The following EIF4G2 variants were observed in gnomAD, a reference collection of about 807,000 sequenced individuals.
EIF4G2 encodes DAP-5.
A neutral mutation model predicts 117.7 loss-of-function variants in EIF4G2; 8 were observed. The ratio of observed to expected loss-of-function variants is 0.07; its 90% CI spans 0.04 to 0.12. EIF4G2 has a LOEUF of 0.12. Ranked by LOEUF, EIF4G2 falls within the 10% of genes least tolerant of loss-of-function variation. EIF4G2 has a pLI of 1.00. For missense variants in EIF4G2, 812 were observed against 1,086.2 expected, an observed-to-expected ratio of 0.75 and a Z score of 3.55; for synonymous variants, 413 against 367.8, an observed-to-expected ratio of 1.12 and a Z score of -1.41.
At chr11:10,807,515 T>C (rs1423192907) in intron 1 of EIF4G2, 134 bp from the exon 2 acceptor site, 11 of 1,316,378 alleles carry the variant, frequency 8.4e-6, no homozygotes, top group Non-Finnish European at 9.7e-6. Context: ...TAAAATGTAC[T>C]CAAAACACTG....
At chr11:10,801,600 A>T in intron 14 of EIF4G2, 61 bp downstream of exon 14, 1 of 1,443,514 alleles carries the variant, frequency 6.9e-7, no homozygotes. Flanking sequence ...TTTTATAATC[A>T]TCGGGCAATA....
At chr11:10,807,527 C>G (rs1802557708) in intron 1 of EIF4G2, 146 bp from the exon 2 acceptor site, 1 of 1,299,904 alleles carries the variant, frequency 7.7e-7, no homozygotes, top group Non-Finnish European at 9.7e-7. Flanking sequence ...AAAACACTGA[C>G]AATTACATTT....
intron 4 of EIF4G2, among the ~76,000 whole-genome samples, chr11:10,805,668 G>T (rs1847547014): frequency 6.6e-6 from 1 of 152,018 alleles, no homozygotes; most frequent in Non-Finnish European, 1.5e-5. Flanking sequence ...GGCCAGGCTG[G>T]TCTCAAACTC....
chr11:10,808,373 G>A (rs1447920491), intron 1 of EIF4G2: 2 of 1,220,386 alleles, frequency 1.6e-6, no homozygotes, highest in Non-Finnish European at 2.1e-6. Context: ...CTCCCGCCAC[G>A]GCGCTAGCGG....
At chr11:10,805,840 A>T in intron 4 of EIF4G2, 67 bp downstream of exon 4, 2 of 1,607,722 alleles carry the variant, frequency 1.2e-6, no homozygotes, top group Non-Finnish European at 1.7e-6. Context: ...TTAGTAATAC[A>T]GCACACACAC....
At chr11:10,800,034 G>GA in intron 18 of EIF4G2, 56 bp downstream of exon 18, 1 of 1,567,042 alleles carries the variant, frequency 6.4e-7, no homozygotes, top group African/African-American at 1.4e-5. Context: ...CAAGGTACCT[G>GA]AAATCTCTAG....
intron 21 of EIF4G2, 162 bp downstream of exon 21, chr11:10,798,830 A>T: frequency 1.2e-6 from 1 of 868,678 alleles, no homozygotes; most frequent in Non-Finnish European, 1.8e-6. Context: ...GTGTAGCTTT[A>T]CTTAATAATA....
In EIF4G2 at chr11:10,798,973, T is replaced by A. The variant is rs1231420144; in HGVS notation, c.2658+19A>T. ...AGCAAACTGAAGTAAGCAGACCAAA[T>A]TTTTAACAAAAGACTTACCTGGAAC... On this transcript the variant is annotated intron_variant, in intron 21 of 21. Transcript: ENST00000339995. The A allele has an allele frequency of 1.9e-6, 3 of 1,584,864 alleles. No individual in the cohort carries two copies. The highest frequency in any genetic ancestry group is 2.6e-6 in the Non-Finnish European group (3 of 1,171,500).
chr11:10,804,720 TA>T lies in EIF4G2; in HGVS notation c.351+192del, dbSNP rs1847511425. On this transcript the variant is annotated intron_variant, in intron 5 of 21. Transcript: ENST00000339995. ...TACCTCTTCAACCATACCATGAACTTAACATTTACCTCTTCAATCTAATGCT... is the reference window on the plus strand; with the variant it reads ...TACCTCTTCAACCATACCATGAACTTACATTTACCTCTTCAATCTAATGCT... 12 of 607,704 alleles carry T rather than the reference TA, an allele frequency of 2.0e-5. No individual in the cohort carries two copies. In the South Asian group the frequency reaches 2.5e-4, roughly 13 times the overall value. 37.6% of individuals were successfully genotyped at this position (607,704 alleles called of 1,614,324 possible).
chr11:10,801,886 CA>C, intron 13 of EIF4G2, 112 bp from the exon 14 acceptor site: 2 of 1,196,384 alleles, frequency 1.7e-6, no homozygotes, highest in South Asian at 2.8e-5. Flanking sequence ...TGAATTTGCC[CA>C]GAGAAAGTAA....
In EIF4G2 at chr11:10,800,452, T is replaced by C. The variant is rs768025668; in HGVS notation, c.1840A>G (p.Thr614Ala). Reference sequence around the variant, plus strand: ...CCTACCTGCATGAAGTTGTCACTTGTGGCTATCCCTTCCTGTTTGAGTAAA... The same window carrying C: ...CCTACCTGCATGAAGTTGTCACTTGCGGCTATCCCTTCCTGTTTGAGTAAA... Residue 614 changes from threonine (T) to alanine (A), a missense_variant, in exon 17 of 22, where the codon ACA becomes GCA. Physicochemically the swap from Thr to Ala is moderately conservative, Grantham distance 58 (BLOSUM62 0). This residue lies in a region of EIF4G2 where 571 missense variants were observed against 642.3 expected (regional missense o/e 0.89). Coordinates refer to ENST00000339995, the MANE Select transcript of EIF4G2 (RefSeq NM_001418.4). 4.3e-6 allele frequency: 7 copies of C among 1,614,218 alleles called. No individual in the cohort carries two copies. Among genetic ancestry groups the C allele is most frequent in the Non-Finnish European group, 5.9e-6 (7 of 1,180,020 alleles).
chr11:10,799,540 C>T lies in EIF4G2; in HGVS notation c.2324+12G>A, dbSNP rs778456381. Reference sequence around the variant, plus strand: ...TGAAACATTACCATATGCAGAAAACCATTCGTCTTACCTAGTCATTAAGAT... The same window carrying T: ...TGAAACATTACCATATGCAGAAAACTATTCGTCTTACCTAGTCATTAAGAT... On this transcript the variant is annotated intron_variant, in intron 19 of 21. Coordinates refer to ENST00000339995, the MANE Select transcript of EIF4G2 (RefSeq NM_001418.4). The T allele has an allele frequency of 1.2e-6, 2 of 1,612,032 alleles. No individual in the cohort carries two copies. The highest frequency in any genetic ancestry group is 1.3e-5 in the African/African-American group (1 of 74,760).
At chr11:10,806,182 G>C in intron 3 of EIF4G2, 135 bp from the exon 4 acceptor site, 2 of 1,214,968 alleles carry the variant, frequency 1.6e-6, no homozygotes, top group Non-Finnish European at 2.3e-6. Flanking sequence ...GGAAATTAGT[G>C]CTTCTGGAAC....
At position 10,804,049 on chromosome 11, in the gene EIF4G2, G is replaced by C; in HGVS notation, c.552C>G (p.Val184=). The C allele has an allele frequency of 6.2e-7, 1 of 1,613,494 alleles. No homozygotes were observed. The highest frequency in any genetic ancestry group is 8.5e-7 in the Non-Finnish European group (1 of 1,179,674). ...GGAGGGGATTTTCACGCTTATCATAGACTGAAAAAGATACCAATGAAGTAA... is the reference window on the plus strand; with the variant it reads ...GGAGGGGATTTTCACGCTTATCATACACTGAAAAAGATACCAATGAAGTAA... Residue 184 remains valine (V), a splice_region_variant and synonymous_variant, in exon 8 of 22, where the codon GTC becomes GTG. Coordinates refer to ENST00000339995, the MANE Select transcript of EIF4G2 (RefSeq NM_001418.4).
In EIF4G2 at chr11:10,801,788, GGA is replaced by G; in HGVS notation, c.1300-16_1300-15del. The G allele has an allele frequency of 6.2e-7, 1 of 1,609,756 alleles. No individual in the cohort carries two copies. The highest frequency in any genetic ancestry group is 8.5e-7 in the Non-Finnish European group (1 of 1,178,060). ...CTGGCTTAGCCCCTATTTCAGAAAAGGAGAAAGAAAGTCTAGATAAAAAGGGG... is the reference window on the plus strand; with the variant it reads ...CTGGCTTAGCCCCTATTTCAGAAAAGGAAAGAAAGTCTAGATAAAAAGGGG... On this transcript the variant is annotated splice_polypyrimidine_tract_variant and intron_variant, in intron 13 of 21. Transcript: ENST00000339995.
chr11:10,807,705 A>G (rs1408400947), intron 1 of EIF4G2: 1 of 995,768 alleles, frequency 1.0e-6, no homozygotes, highest in Non-Finnish European at 1.2e-6. Context: ...GACACGAGCA[A>G]CATCACGTGG....
chr11:10,797,952 G>A lies in EIF4G2; in HGVS notation c.2659-71C>T. 2 of 1,379,670 alleles carry A rather than the reference G, an allele frequency of 1.4e-6. No homozygotes were observed. The highest frequency in any genetic ancestry group is 2.0e-6 in the Non-Finnish European group (2 of 977,608). 85.5% of individuals were successfully genotyped at this position (1,379,670 alleles called of 1,614,324 possible). A position where few individuals can be genotyped will look rare whatever the true frequency, so the allele number is the denominator to read the frequency against. ...GAAATCCATCCAAAAAGTTTTAGGT[G>A]GTACTACACAGTTTTAGAATATGAA... On this transcript the variant is annotated intron_variant, in intron 21 of 21. Transcript: ENST00000339995. The surrounding 1 kb of genome is among the most constrained non-coding windows in gnomAD (Gnocchi z 4.5).
intron 1 of EIF4G2, chr11:10,808,048 C>G: frequency 1.1e-5 from 12 of 1,045,168 alleles, no homozygotes; most frequent in Non-Finnish European, 1.4e-5. Context: ...GGAGGAGCAG[C>G]TGAGGCCACC....
At chr11:10,804,097 A>C (rs2135416121) in intron 7 of EIF4G2, 40 bp downstream of exon 7, 1 of 1,612,766 alleles carries the variant, frequency 6.2e-7, no homozygotes. Flanking sequence ...AATTAAGCTG[A>C]AAATATACAG....
Sources: gnomAD v4.1 joint callset for allele counts (sites outside exome capture counted in the v4.1 genomes callset) on GRCh38, gnomAD v4.1.1 for gene constraint, gnomAD v4.1.1 regional missense constraint, Gnocchi (gnomAD v3.1) non-coding constraint, MANE v1.5 for transcripts, NCBI Gene and HGNC (gene_info 2026-07-23, HGNC 2026-07-21) for gene names.